GPHN: variants seen among roughly 807,000 people sequenced by gnomAD.
The protein encoded by GPHN is gephyrin.
Under a neutral mutation model 95.5 loss-of-function variants are expected in GPHN, and 17 were observed. That is an observed-to-expected ratio of 0.18 (90% confidence interval 0.12 to 0.27). The LOEUF (loss-of-function observed/expected upper bound fraction) is 0.27, where lower values mean the gene tolerates loss of function less well. Ranked by LOEUF, GPHN falls within the 10% of genes least tolerant of loss-of-function variation. The probability of loss-of-function intolerance (pLI) is 1.00; values close to 1 mark genes in which losing one functional copy is unlikely to be tolerated. For missense variants in GPHN, 660 were observed against 978.1 expected (o/e 0.67, Z 4.34); for synonymous variants, 320 against 322.5 (o/e 0.99, Z 0.08).
chr14:66,718,051 G>A (rs1025103186), intron 2 of GPHN, among the ~76,000 whole-genome samples: 2 of 152,292 alleles, frequency 1.3e-5, no homozygotes, highest in African/African-American at 4.8e-5. Flanking sequence ...CCAGAGGTGG[G>A]TGGGGCCCTA....
chr14:67,012,523 G>T (rs902744552), intron 9 of GPHN, among the ~76,000 whole-genome samples: 8 of 152,092 alleles, frequency 5.3e-5, no homozygotes, highest in African/African-American at 1.9e-4. Flanking sequence ...TGTGGAAGAG[G>T]TTACAAATAT....
At chr14:67,489,717 G>T in the GPHN span, among the ~76,000 whole-genome samples, 1 of 152,194 alleles carries the variant, frequency 6.6e-6, no homozygotes, top group African/African-American at 2.4e-5. Flanking sequence ...GTAGCCGGGC[G>T]CGGTGGCTCA....
chr14:67,596,198 G>A, the GPHN span, among the ~76,000 whole-genome samples: 7 of 150,924 alleles, frequency 4.6e-5, no homozygotes, highest in Non-Finnish European at 8.8e-5. Flanking sequence ...GTGTGATCTC[G>A]GTTCACTGCA....
chr14:66,534,794 A>T (rs2059076436), intron 1 of GPHN, among the ~76,000 whole-genome samples: 1 of 152,048 alleles, frequency 6.6e-6, no homozygotes, highest in Non-Finnish European at 1.5e-5. Flanking sequence ...AATGATGGTG[A>T]TCACCTTTTA....
chr14:67,655,340 A>T, the GPHN span, among the ~76,000 whole-genome samples: 1 of 152,100 alleles, frequency 6.6e-6, no homozygotes, highest in Admixed American at 6.5e-5. Context: ...AAAACTAAAA[A>T]ATTCCTATGT....
rs1361483148 is a variant in GPHN at position 67,113,039 on chromosome 14, A to G, written c.1494A>G (p.Lys498=). 6.2e-7 allele frequency: 1 copy of G among 1,613,816 alleles called. No individual in the cohort carries two copies. Among genetic ancestry groups the G allele is most frequent in the African/African-American group, 1.3e-5 (1 of 74,918 alleles). The stretch of plus-strand genomic sequence containing the variant: ...TCAGACCCATCGGCCATGACATTAA[A>G]AGAGGGGAATGTGTTTTGGCCAAAG... ...QDIRPIGHDI[K]RGECVLAKGT... is the part of the protein sequence containing the mutation. The change falls in exon 16 of 23, where the codon AAA becomes AAG. Residue 498 remains lysine, a synonymous_variant. Transcript: ENST00000478722.
intron 8 of GPHN, among the ~76,000 whole-genome samples, chr14:66,961,367 T>C (rs1188465259): frequency 5.3e-5 from 8 of 151,990 alleles, no homozygotes; most frequent in African/African-American, 7.2e-5. Flanking sequence ...AAGGATTCCT[T>C]TTAAGACACA....
chr14:66,667,683 C>T (rs1363520692), intron 1 of GPHN, among the ~76,000 whole-genome samples: 3 of 151,908 alleles, frequency 2.0e-5, no homozygotes, highest in African/African-American at 7.3e-5. Flanking sequence ...GTGTAAAACC[C>T]GAAACTATAA....
the GPHN span, among the ~76,000 whole-genome samples, chr14:67,357,622 A>T: frequency 6.6e-6 from 1 of 152,256 alleles, no homozygotes; most frequent in Admixed American, 6.5e-5. Context: ...AGATAAACCC[A>T]GCCAGACATT....
At chr14:67,524,754 C>T in the GPHN span, among the ~76,000 whole-genome samples, 1 of 152,194 alleles carries the variant, frequency 6.6e-6, no homozygotes, top group Admixed American at 6.5e-5. Flanking sequence ...TCCAGTAATG[C>T]TGTTGTGGTC....
At chr14:67,520,999 A>T in the GPHN span, among the ~76,000 whole-genome samples, 1 of 152,332 alleles carries the variant, frequency 6.6e-6, no homozygotes, top group East Asian at 1.9e-4. Flanking sequence ...TTGGGCCATT[A>T]TAATTGGTGT....
At chr14:67,505,148 C>A in the GPHN span, among the ~76,000 whole-genome samples, 1 of 152,014 alleles carries the variant, frequency 6.6e-6, no homozygotes, top group Non-Finnish European at 1.5e-5. Flanking sequence ...AAGAAGGATG[C>A]GCATTTTCAA....
At chr14:66,773,683 AGGT>A (rs766225182) in intron 2 of GPHN, among the ~76,000 whole-genome samples, 1 of 152,046 alleles carries the variant, frequency 6.6e-6, no homozygotes, top group Non-Finnish European at 1.5e-5. Flanking sequence ...TATCTTTCCT[AGGT>A]CGTGACTCTC....
chr14:67,586,719 T>G, the GPHN span: 12 of 966,322 alleles, frequency 1.2e-5, no homozygotes, highest in South Asian at 1.8e-4. Flanking sequence ...AAGTTAGAGT[T>G]TGCCAAACCT....
At chr14:67,658,471 C>T in the GPHN span, among the ~76,000 whole-genome samples, 4 of 152,228 alleles carry the variant, frequency 2.6e-5, no homozygotes, top group East Asian at 1.9e-4. Context: ...GTGGTGGGCG[C>T]CTGTAGTCCC....
Position 66,807,043 on chromosome 14 carries a change from C to T in GPHN, c.202-17431C>T, listed in dbSNP as rs535497475. 2.4e-3 allele frequency among the ~76,000 whole-genome samples: 370 copies of T among 152,142 alleles called. 4 individuals carry two copies. The highest frequency in any genetic ancestry group is 8.3e-3 in the African/African-American group (346 of 41,488). The stretch of plus-strand genomic sequence containing the variant: ...TACAAAAACATTAAAAAAAGAGAGA[C>T]GTTTATTGGACTTACAGTTTCACAT... On this transcript the variant is annotated intron_variant, in intron 3 of 22. Transcript: ENST00000478722.
the GPHN span, among the ~76,000 whole-genome samples, chr14:67,734,956 A>G: frequency 6.6e-6 from 1 of 152,236 alleles, no homozygotes; most frequent in Non-Finnish European, 1.5e-5. Flanking sequence ...GCAATGCTGT[A>G]CTGCCTCTCA....
chr14:66,686,273 A>G (rs1295872084), intron 2 of GPHN, among the ~76,000 whole-genome samples: 2 of 152,188 alleles, frequency 1.3e-5, no homozygotes, highest in Admixed American at 1.3e-4. Flanking sequence ...GTTATTTCCA[A>G]TTCTGTGAAG....
At chr14:66,579,892 A>G (rs915650449) in intron 1 of GPHN, among the ~76,000 whole-genome samples, 1 of 151,862 alleles carries the variant, frequency 6.6e-6, no homozygotes, top group Admixed American at 6.6e-5. Context: ...CGTATATCAG[A>G]ATAGTTCATC....
Sources: gnomAD v4.1 joint callset for allele counts (sites outside exome capture counted in the v4.1 genomes callset) on GRCh38, gnomAD v4.1.1 for gene constraint, MANE v1.5 for transcripts, NCBI Gene and HGNC (gene_info 2026-07-23, HGNC 2026-07-21) for gene names.